Variants in SCIN observed in about 807,000 individuals in gnomAD.
SCIN encodes scinderin, also known as adseverin.
A neutral mutation model predicts 91.8 loss-of-function variants in SCIN; 91 were observed. The observed-to-expected ratio is 0.99, with a 90% CI of 0.84 to 1.18. SCIN has a LOEUF of 1.18. Ranked by LOEUF, SCIN falls within the 50% of genes most tolerant of loss-of-function variation. SCIN has a pLI of 0.00. For missense variants in SCIN, 1,087 were observed against 863.9 expected (o/e 1.26, Z -3.24); for synonymous variants, 367 against 312.6 (o/e 1.17, Z -1.84).
rs766059235 is a variant in SCIN, at chr7:12,644,645, C to T, written c.1821C>T (p.Thr607=). The T allele has an allele frequency of 1.2e-6, 2 of 1,602,968 alleles. No individual in the cohort carries two copies. Among genetic ancestry groups the T allele is most frequent in the Non-Finnish European group, 1.7e-6 (2 of 1,174,534 alleles). Residue 607 remains threonine (T), a synonymous_variant, in exon 13 of 16, where the codon ACC becomes ACT. Transcript: ENST00000297029. The part of the protein sequence containing the change: ...KDYQTSPLLE[T]QAEDHPPRLY... ...ACCAGACCTCACCACTACTGGAAAC[C>T]CAGGCTGAAGACCATCCACCTCGGC...
Position 12,649,473 on chromosome 7 carries a change from G to A in SCIN, c.1888G>A (p.Glu630Lys). The A allele has an allele frequency of 3.8e-6, 6 of 1,593,470 alleles. No individual in the cohort carries two copies. Among genetic ancestry groups the A allele is most frequent in the Non-Finnish European group, 4.3e-6 (5 of 1,168,944 alleles). Residue 630 changes from glutamate (E) to lysine (K), a missense_variant, in exon 14 of 16, where the codon GAG becomes AAG. Physicochemically the swap from Glu to Lys is moderately conservative, Grantham distance 56. Transcript: ENST00000297029. Reference sequence around the variant, plus strand: ...AGCTTTTTATACCTTTCAGATTGAAGAGATTCCAGGAGAGTTCACCCAGGA... The same window carrying A: ...AGCTTTTTATACCTTTCAGATTGAAAAGATTCCAGGAGAGTTCACCCAGGA... ...SNKTGRFVIE[E>K]IPGEFTQDDL...
intron 11 of SCIN, among the ~76,000 whole-genome samples, chr7:12,643,134 C>G (rs1583320041): frequency 6.6e-6 from 1 of 152,174 alleles, no homozygotes; most frequent in East Asian, 1.9e-4. Context: ...TTTGTGAGAC[C>G]TCATCAGCTG....
chr7:12,583,026 G>T (rs181846270), intron 3 of SCIN, among the ~76,000 whole-genome samples: 37 of 152,048 alleles, frequency 2.4e-4, no homozygotes, highest in South Asian at 6.2e-4. Context: ...TATTTGAGTA[G>T]GTGATCGCGA....
chr7:12,627,540 T>C (rs901911476), intron 8 of SCIN, among the ~76,000 whole-genome samples: 1 of 152,230 alleles, frequency 6.6e-6, no homozygotes, highest in Non-Finnish European at 1.5e-5. Context: ...ATTTCATCTC[T>C]ATATTCCTAG....
intron 13 of SCIN, 24 bp downstream of exon 13, chr7:12,644,729 G>A (rs187347923): frequency 3.7e-5 from 57 of 1,548,222 alleles, no homozygotes; most frequent in Non-Finnish European, 4.4e-5. Flanking sequence ...AAAATAGTGC[G>A]ATAGGGCTGG....
At chr7:12,600,131 C>A (rs971706210) in intron 3 of SCIN, among the ~76,000 whole-genome samples, 5 of 152,142 alleles carry the variant, frequency 3.3e-5, no homozygotes, top group Non-Finnish European at 7.4e-5. Flanking sequence ...CTTCTAGAAT[C>A]TTTATGGTTT....
intron 13 of SCIN, 112 bp downstream of exon 13, chr7:12,644,817 A>G: frequency 1.1e-6 from 1 of 933,032 alleles, no homozygotes; most frequent in South Asian, 1.6e-5. Flanking sequence ...GGAGTTCGAG[A>G]CCAGCCTGAC....
chr7:12,625,913 C>T lies in SCIN; in HGVS notation c.981+63C>T, dbSNP rs1108030. The stretch of plus-strand genomic sequence containing the variant: ...AACATTGGAGCTCATGACATCTCCA[C>T]GAAACTCATGAAAAAGTTTGGGTCA... On this transcript the variant is annotated intron_variant, in intron 7 of 15. Transcript: ENST00000297029. 2.1e-3 allele frequency: 2,593 copies of T among 1,207,338 alleles called. 42 individuals carry two copies. The African/African-American group carries it at 0.036, about 17-fold the overall frequency. The allele number at this position is 1,207,338 out of a possible 1,614,324, so 74.8% of individuals were successfully genotyped here. A position where few individuals can be genotyped will look rare whatever the true frequency, so the allele number is the denominator to read the frequency against.
At position 12,636,073 on chromosome 7, in the gene SCIN, C is replaced by G. The variant is rs191094873; in HGVS notation, c.1348C>G (p.Leu450Val). The change falls in exon 10 of 16, where the codon CTG becomes GTG. Residue 450 changes from leucine (L) to valine (V), a missense_variant. Leu to Val is a conservative substitution (Grantham distance 32, BLOSUM62 1). Transcript: ENST00000297029. ...WQGANATRDELTTSAFLTVQL... is the reference protein window; with the variant it reads ...WQGANATRDEVTTSAFLTVQL... ...AGGAGCAAATGCCACACGAGATGAG[C>G]TGACAACATCTGCGTTCCTGACTGT... The G allele has an allele frequency of 2.4e-5, 39 of 1,612,998 alleles. No individual in the cohort carries two copies. In the Admixed American group the frequency reaches 5.5e-4, roughly 23 times the overall value.
At chr7:12,641,698 C>T (rs1394076784) in intron 11 of SCIN, among the ~76,000 whole-genome samples, 1 of 152,178 alleles carries the variant, frequency 6.6e-6, no homozygotes, top group Admixed American at 6.5e-5. Flanking sequence ...TCTGACAACT[C>T]TCTCCTGTCC....
At chr7:12,637,493 G>C (rs1474512122) in intron 10 of SCIN, among the ~76,000 whole-genome samples, 1 of 151,866 alleles carries the variant, frequency 6.6e-6, no homozygotes, top group South Asian at 2.1e-4. Flanking sequence ...CAGGGAGAAA[G>C]GGGAAAGAAA....
At chr7:12,644,418 T>C in intron 12 of SCIN, 103 bp downstream of exon 12, 1 of 1,446,842 alleles carries the variant, frequency 6.9e-7, no homozygotes, top group Non-Finnish European at 9.3e-7. Flanking sequence ...CTTATAAGGG[T>C]TAACAATCTC....
chr7:12,579,046 C>T (rs1320976936), intron 2 of SCIN, among the ~76,000 whole-genome samples: 2 of 151,340 alleles, frequency 1.3e-5, no homozygotes, highest in African/African-American at 2.4e-5. Context: ...CACAGATTTC[C>T]GAAATCAAAC....
chr7:12,628,611 G>A (rs1351948973), intron 8 of SCIN, among the ~76,000 whole-genome samples: 3 of 152,144 alleles, frequency 2.0e-5, no homozygotes, highest in African/African-American at 4.8e-5. Context: ...ACATTGTGGA[G>A]GGACTCAAAC....
rs769583257 is a variant in SCIN at position 12,622,801 on chromosome 7, G to A, written c.667G>A (p.Val223Ile). 9 of 1,611,194 alleles carry A rather than the reference G, an allele frequency of 5.6e-6. No homozygotes were observed. Among genetic ancestry groups the A allele is most frequent in the Non-Finnish European group, 7.6e-6 (9 of 1,178,162 alleles). ...GCATCCACTGCTCACTTTTTTCCAG[G>A]TCTTAGGGGAAAAGCCAGAGCTTCC... ...EGSEPSELIKVLGEKPELPDG... is the reference protein window; with the variant it reads ...EGSEPSELIKILGEKPELPDG... Residue 223 changes from valine (V) to isoleucine (I), a missense_variant and splice_region_variant, in exon 5 of 16, where the codon GTC becomes ATC. Coordinates refer to ENST00000297029, the MANE Select transcript of SCIN (RefSeq NM_001112706.3).
rs1169429188 is a variant in SCIN at position 12,656,103 on chromosome 7, C to G, written c.*3388C>G. The G allele has an allele frequency of 6.6e-6, 1 of 152,168 alleles. No individual in the cohort carries two copies. Among genetic ancestry groups the G allele is most frequent in the Non-Finnish European group, 1.5e-5 (1 of 68,044 alleles). 9.4% of individuals were successfully genotyped at this position (152,168 alleles called of 1,614,324 possible). ...TAGCTCATCAAATAATATTTCCCAC[C>G]ACTTATTTCTAGCAGTTCTGGTAAA... On this transcript the variant is annotated 3_prime_UTR_variant, in exon 16 of 16. Transcript: ENST00000297029.
At chr7:12,611,492 A>G (rs1299728741) in intron 4 of SCIN, among the ~76,000 whole-genome samples, 1 of 152,130 alleles carries the variant, frequency 6.6e-6, no homozygotes, top group East Asian at 1.9e-4. Flanking sequence ...ATTTTAATGA[A>G]AATATAGTTG....
At chr7:12,601,941 C>T (rs1057117630) in intron 3 of SCIN, among the ~76,000 whole-genome samples, 1 of 152,170 alleles carries the variant, frequency 6.6e-6, no homozygotes, top group African/African-American at 2.4e-5. Context: ...TTTATGTAGC[C>T]ATCCTCTTAT....
intron 3 of SCIN, chr7:12,596,440 G>C: frequency 2.2e-6 from 1 of 456,192 alleles, no homozygotes; most frequent in Non-Finnish European, 4.4e-6. Context: ...TGAACCTTCA[G>C]GAAATGGCCT....
Sources: gnomAD v4.1 joint callset for allele counts (sites outside exome capture counted in the v4.1 genomes callset) on GRCh38, gnomAD v4.1.1 for gene constraint, MANE v1.5 for transcripts, NCBI Gene and HGNC (gene_info 2026-07-23, HGNC 2026-07-21) for gene names.